The following TANC2 variants were observed in gnomAD, a reference collection of about 807,000 sequenced individuals.
TANC2 encodes the protein protein TANC2.
TANC2 carries 26 observed loss-of-function variants against 210.5 expected under a neutral mutation model. The observed-to-expected ratio is 0.12, with a 90% CI of 0.09 to 0.17. The LOEUF (loss-of-function observed/expected upper bound fraction) is 0.17, where lower values mean the gene tolerates loss of function less well. TANC2 is among the 10% of genes least tolerant of loss of function. TANC2 has a pLI of 1.00. For synonymous variants in TANC2, 931 were observed against 967.1 expected (o/e 0.96, Z 0.69); for missense variants, 2,129 against 2,608.9 (o/e 0.82, Z 4.01).
chr17:63,426,326 C>T (rs2049142171), exon 28 of TANC2: 2 of 152,416 alleles, frequency 1.3e-5, no homozygotes, highest in South Asian at 4.1e-4. Flanking sequence ...GTCATGGAAC[C>T]CTTCACCATG....
At chr17:63,145,787 T>A (rs1418942165) in intron 4 of TANC2, among the ~76,000 whole-genome samples, 5 of 152,184 alleles carry the variant, frequency 3.3e-5, no homozygotes, top group Non-Finnish European at 5.9e-5. Context: ...CCATACTGTT[T>A]AGACTACTAT....
chr17:62,979,818 G>A (rs2032209816), intron 1 of TANC2, among the ~76,000 whole-genome samples: 1 of 152,190 alleles, frequency 6.6e-6, no homozygotes, highest in South Asian at 2.1e-4. Flanking sequence ...GGCCGAGGCA[G>A]GAGGATAGCT....
intron 1 of TANC2, among the ~76,000 whole-genome samples, chr17:63,006,747 T>C (rs187515928): frequency 2.0e-5 from 3 of 152,316 alleles, no homozygotes; most frequent in East Asian, 1.9e-4. Flanking sequence ...TATTCAAGTC[T>C]AGTTATTTAA....
chr17:63,278,545 C>T (rs1236736874), intron 9 of TANC2, among the ~76,000 whole-genome samples: 1 of 152,002 alleles, frequency 6.6e-6, no homozygotes, highest in East Asian at 1.9e-4. Flanking sequence ...TAAAATGGTG[C>T]AGTTGCTATG....
At chr17:63,051,961 C>T (rs1257614152) in intron 2 of TANC2, among the ~76,000 whole-genome samples, 1 of 152,084 alleles carries the variant, frequency 6.6e-6, no homozygotes, top group Admixed American at 6.6e-5. Flanking sequence ...CAAGACATAA[C>T]CCTGTCGTAA....
intron 7 of TANC2, among the ~76,000 whole-genome samples, chr17:63,228,343 T>C (rs142155490): frequency 1.3e-5 from 2 of 152,358 alleles, no homozygotes; most frequent in African/African-American, 4.8e-5. Context: ...CCGTCTACTA[T>C]AGTTTGAAGT....
At chr17:63,259,864 C>T (rs957299263) in intron 8 of TANC2, among the ~76,000 whole-genome samples, 2 of 151,856 alleles carry the variant, frequency 1.3e-5, no homozygotes, top group South Asian at 2.1e-4. Flanking sequence ...TAAAAAGTAC[C>T]CTATAATTAT....
intron 4 of TANC2, among the ~76,000 whole-genome samples, chr17:63,103,537 AC>A (rs2037711240): frequency 6.6e-6 from 1 of 152,134 alleles, no homozygotes; most frequent in African/African-American, 2.4e-5. Context: ...TCACGTCACG[AC>A]TGTTTGCTTC....
chr17:63,214,255 G>A (rs1056013236), intron 7 of TANC2, among the ~76,000 whole-genome samples: 2 of 152,208 alleles, frequency 1.3e-5, no homozygotes, highest in African/African-American at 4.8e-5. Flanking sequence ...GCATGCACAT[G>A]AGGTAAGGTA....
At chr17:63,098,511 G>GTATATATATATATATATATA in intron 3 of TANC2, among the ~76,000 whole-genome samples, 1 of 72,600 alleles carries the variant, frequency 1.4e-5, no homozygotes, top group African/African-American at 9.7e-5. Flanking sequence ...CTCTCTCTCT[G>GTATATATATATATATATATA]TGTGTATATA....
chr17:63,231,313 G>C (rs2146004044), intron 7 of TANC2, among the ~76,000 whole-genome samples: 1 of 152,210 alleles, frequency 6.6e-6, no homozygotes, highest in East Asian at 1.9e-4. Flanking sequence ...ATGCTAGCTG[G>C]TTATTTTGCA....
At chr17:63,180,490 A>C (rs554818699) in intron 5 of TANC2, among the ~76,000 whole-genome samples, 1 of 152,340 alleles carries the variant, frequency 6.6e-6, no homozygotes, top group South Asian at 2.1e-4. Context: ...CAGTATCACT[A>C]TTTAAAAGGA....
At chr17:63,201,594 A>G (rs1347959584) in intron 7 of TANC2, among the ~76,000 whole-genome samples, 2 of 151,582 alleles carry the variant, frequency 1.3e-5, no homozygotes, top group Admixed American at 1.3e-4. Flanking sequence ...TTTTCCATTT[A>G]ATTTTCCCCT....
chr17:63,124,625 G>T (rs900950512), intron 4 of TANC2, among the ~76,000 whole-genome samples: 6 of 152,148 alleles, frequency 3.9e-5, no homozygotes, highest in African/African-American at 1.4e-4. Flanking sequence ...ATTGCTTTTT[G>T]GTGTCTGTGA....
chr17:63,270,708 G>A (rs182660452), intron 9 of TANC2, among the ~76,000 whole-genome samples: 108 of 152,124 alleles, frequency 7.1e-4, no homozygotes, highest in African/African-American at 2.6e-3. Context: ...TACATGTGCA[G>A]GTTTGTTATA....
At chr17:63,242,819 G>C (rs2042811571) in intron 8 of TANC2, among the ~76,000 whole-genome samples, 2 of 152,002 alleles carry the variant, frequency 1.3e-5, no homozygotes, top group African/African-American at 4.8e-5. Flanking sequence ...ATGAATTATG[G>C]ATACCACAGC....
chr17:62,984,798 TTCTAAATATCTTGTGGTCAGATATTTGG>T (rs1463270087), intron 1 of TANC2, among the ~76,000 whole-genome samples: 5 of 152,234 alleles, frequency 3.3e-5, no homozygotes, highest in African/African-American at 1.2e-4. Flanking sequence ...TTTAGTTTCA[TTCTAAATATCTTGTGGTCAGATATTTGG>T]TATGATTTAA....
intron 14 of TANC2, among the ~76,000 whole-genome samples, chr17:63,369,726 G>A (rs1054759819): frequency 4.0e-5 from 6 of 151,342 alleles, no homozygotes; most frequent in Admixed American, 1.3e-4. Context: ...GCTAATTTTT[G>A]TGAGTAGCTG....
intron 2 of TANC2, among the ~76,000 whole-genome samples, chr17:63,034,205 A>C (rs530325550): frequency 6.6e-6 from 1 of 152,194 alleles, no homozygotes; most frequent in Admixed American, 6.6e-5. Context: ...TTAGGGGCTA[A>C]TGCAGCTGGT....
Sources: gnomAD v4.1 joint callset for allele counts (sites outside exome capture counted in the v4.1 genomes callset) on GRCh38, gnomAD v4.1.1 for gene constraint, MANE v1.5 for transcripts, NCBI Gene and HGNC (gene_info 2026-07-23, HGNC 2026-07-21) for gene names.